Variants in ANO10 observed in about 807,000 individuals in gnomAD.
The protein encoded by ANO10 is anoctamin 10.
In ANO10, 77 loss-of-function variants were observed where a neutral mutation model predicts 74.7. That is an observed-to-expected ratio of 1.03 (90% CI 0.86 to 1.25). ANO10 has a LOEUF of 1.25. Ranked by LOEUF, ANO10 falls within the 50% of genes most tolerant of loss-of-function variation. The probability of loss-of-function intolerance (pLI) is 0.00; values close to 1 mark genes in which losing one functional copy is unlikely to be tolerated. For missense variants in ANO10, 721 were observed against 778.1 expected, an observed-to-expected ratio of 0.93 and a Z score of 0.87; for synonymous variants, 279 against 284.9, an observed-to-expected ratio of 0.98 and a Z score of 0.21.
intron 1 of ANO10, among the ~76,000 whole-genome samples, chr3:43,670,073 C>A (rs921842121): frequency 4.6e-5 from 7 of 151,948 alleles, no homozygotes; most frequent in African/African-American, 1.7e-4. Flanking sequence ...TAGAGATTGG[C>A]CAGGCATGGT....
intron 11 of ANO10, among the ~76,000 whole-genome samples, chr3:43,465,811 C>T (rs1559574455): frequency 6.6e-6 from 1 of 151,984 alleles, no homozygotes; most frequent in African/African-American, 2.4e-5. Flanking sequence ...TCAAATAAAT[C>T]TATAAAATAT....
intron 1 of ANO10, among the ~76,000 whole-genome samples, chr3:43,669,306 C>A (rs968310978): frequency 2.0e-5 from 3 of 152,156 alleles, no homozygotes; most frequent in Non-Finnish European, 4.4e-5. Context: ...CTGATGGAGA[C>A]ATGAGGGAAT....
At chr3:43,513,285 G>A (rs1305747067) in intron 11 of ANO10, among the ~76,000 whole-genome samples, 1 of 152,070 alleles carries the variant, frequency 6.6e-6, no homozygotes, top group Admixed American at 6.6e-5. Flanking sequence ...ACTCAGTACT[G>A]GGAAATGATT....
At chr3:43,574,265 CCTTT>C (rs1412866327) in intron 7 of ANO10, among the ~76,000 whole-genome samples, 14 of 139,052 alleles carry the variant, frequency 1.0e-4, no homozygotes, top group African/African-American at 3.0e-4. Context: ...CCGTTAGTTT[CCTTT>C]CTTTCTTTTT....
chr3:43,476,587 C>A (rs1575988001), intron 11 of ANO10, among the ~76,000 whole-genome samples: 1 of 152,202 alleles, frequency 6.6e-6, no homozygotes, highest in African/African-American at 2.4e-5. Context: ...TCCCTGCCAG[C>A]TCCCTGTTTT....
chr3:43,474,928 A>T (rs1174819584), intron 11 of ANO10, among the ~76,000 whole-genome samples: 3 of 152,162 alleles, frequency 2.0e-5, no homozygotes, highest in Admixed American at 2.0e-4. Flanking sequence ...TTGGTTTTTA[A>T]CTAGACATGA....
chr3:43,469,661 A>G (rs1246185087), intron 11 of ANO10, among the ~76,000 whole-genome samples: 1 of 152,104 alleles, frequency 6.6e-6, no homozygotes. Flanking sequence ...TCTCCAGAAC[A>G]CCCCCACTAA....
At chr3:43,405,094 T>A (rs1416845876) in intron 12 of ANO10, among the ~76,000 whole-genome samples, 1 of 152,224 alleles carries the variant, frequency 6.6e-6, no homozygotes, top group East Asian at 1.9e-4. Context: ...GCACCGTAAT[T>A]TTCATTGGCA....
At chr3:43,504,520 T>C (rs1225824401) in intron 11 of ANO10, among the ~76,000 whole-genome samples, 1 of 152,148 alleles carries the variant, frequency 6.6e-6, no homozygotes, top group Non-Finnish European at 1.5e-5. Flanking sequence ...TAGCTATCTA[T>C]AATGGCATAG....
At chr3:43,649,135 G>A (rs1358558365) in intron 1 of ANO10, among the ~76,000 whole-genome samples, 1 of 152,158 alleles carries the variant, frequency 6.6e-6, no homozygotes, top group African/African-American at 2.4e-5. Context: ...CCCTATTCAA[G>A]ATGAAGTTGC....
At chr3:43,403,110 T>C (rs2092512517) in intron 12 of ANO10, among the ~76,000 whole-genome samples, 1 of 152,204 alleles carries the variant, frequency 6.6e-6, no homozygotes, top group South Asian at 2.1e-4. Flanking sequence ...CCATTTGCTG[T>C]TCCAACCCTG....
chr3:43,552,947 C>A (rs1426089050), intron 10 of ANO10, among the ~76,000 whole-genome samples: 5 of 151,872 alleles, frequency 3.3e-5, no homozygotes, highest in African/African-American at 1.2e-4. Flanking sequence ...GCACCCACAA[C>A]CACACCCAGC....
intron 4 of ANO10, among the ~76,000 whole-genome samples, chr3:43,597,004 C>A (rs1428072815): frequency 6.6e-6 from 1 of 152,128 alleles, no homozygotes; most frequent in Non-Finnish European, 1.5e-5. Context: ...CCAACAGACA[C>A]ATGAAAAAAT....
intron 12 of ANO10, among the ~76,000 whole-genome samples, chr3:43,428,969 G>A (rs1219592286): frequency 6.6e-6 from 1 of 152,032 alleles, no homozygotes; most frequent in East Asian, 1.9e-4. Context: ...CAACTTGTAT[G>A]AGAGAGGATT....
intron 8 of ANO10, among the ~76,000 whole-genome samples, chr3:43,563,328 C>T (rs181186111): frequency 6.7e-6 from 1 of 150,362 alleles, no homozygotes; most frequent in East Asian, 2.0e-4. Context: ...CAGATGCTGA[C>T]AAGAACGTGC....
intron 11 of ANO10, among the ~76,000 whole-genome samples, chr3:43,491,171 C>T (rs754552427): frequency 1.8e-4 from 27 of 152,200 alleles, no homozygotes; most frequent in Non-Finnish European, 2.9e-4. Flanking sequence ...TCACCTCAAG[C>T]GAAGAATCAG....
chr3:43,686,968 G>A (rs2084283461), intron 1 of ANO10, among the ~76,000 whole-genome samples: 1 of 151,516 alleles, frequency 6.6e-6, no homozygotes, highest in Non-Finnish European at 1.5e-5. Context: ...AAGTCTGCAT[G>A]CAAATTAGAG....
At chr3:43,563,488 T>C (rs904896893) in intron 8 of ANO10, among the ~76,000 whole-genome samples, 2 of 150,624 alleles carry the variant, frequency 1.3e-5, no homozygotes, top group African/African-American at 4.9e-5. Flanking sequence ...AATCCAGCAT[T>C]CTGACTACTG....
chr3:43,436,856 T>C (rs185597972), intron 11 of ANO10, among the ~76,000 whole-genome samples: 3 of 152,268 alleles, frequency 2.0e-5, no homozygotes, highest in Non-Finnish European at 4.4e-5. Context: ...CCCAACCCTG[T>C]CTCTAATGAA....
Sources: allele counts gnomAD v4.1 joint callset (sites outside exome capture counted in the v4.1 genomes callset), GRCh38; gene constraint gnomAD v4.1.1; transcripts MANE v1.5; gene names NCBI Gene and HGNC (gene_info 2026-07-23, HGNC 2026-07-21).